The following EXOC6B variants were observed in gnomAD, a reference collection of about 807,000 sequenced individuals.
The protein encoded by EXOC6B is exocyst complex component 6B.
Under a neutral mutation model 113.5 loss-of-function variants are expected in EXOC6B, and 54 were observed. The observed-to-expected ratio is 0.48, with a 90% CI of 0.38 to 0.60. The LOEUF is 0.60. Among genes scored for constraint, EXOC6B ranks in the 20% least tolerant of loss-of-function variants. The pLI, the probability that EXOC6B is intolerant of heterozygous loss-of-function variation, is 0.00. For missense variants in EXOC6B, 797 were observed against 977.5 expected (o/e 0.82, Z 2.46); for synonymous variants, 357 against 339.0 (o/e 1.05, Z -0.58).
chr2:72,251,915 C>T (rs188941452), intron 20 of EXOC6B, among the ~76,000 whole-genome samples: 1 of 152,246 alleles, frequency 6.6e-6, no homozygotes, highest in Admixed American at 6.5e-5. Context: ...AATCTATCAG[C>T]ACTCTTGCAA....
At chr2:72,370,361 A>G (rs990861243) in intron 19 of EXOC6B, among the ~76,000 whole-genome samples, 1 of 152,134 alleles carries the variant, frequency 6.6e-6, no homozygotes, top group African/African-American at 2.4e-5. Context: ...GTCAGGAAAC[A>G]ACAGGTGCTG....
At chr2:72,370,753 A>T (rs1424282480) in intron 19 of EXOC6B, among the ~76,000 whole-genome samples, 2 of 152,108 alleles carry the variant, frequency 1.3e-5, no homozygotes, top group Non-Finnish European at 2.9e-5. Flanking sequence ...TCAGCAAATT[A>T]TCACAAGGAC....
intron 20 of EXOC6B, among the ~76,000 whole-genome samples, chr2:72,273,996 T>C (rs1261911128): frequency 6.6e-6 from 1 of 152,132 alleles, no homozygotes; most frequent in Non-Finnish European, 1.5e-5. Context: ...CCATTACACA[T>C]GCTATAGACA....
chr2:72,333,416 T>C (rs1688514571), intron 20 of EXOC6B, among the ~76,000 whole-genome samples: 1 of 152,164 alleles, frequency 6.6e-6, no homozygotes, highest in African/African-American at 2.4e-5. Context: ...TTTTCCTTGG[T>C]TGTGTTTCTC....
chr2:72,687,860 C>T (rs909147357), intron 6 of EXOC6B, among the ~76,000 whole-genome samples: 26 of 152,172 alleles, frequency 1.7e-4, no homozygotes, highest in African/African-American at 6.3e-4. Flanking sequence ...GGACACTATT[C>T]TGAAAACAGG....
At chr2:72,403,897 G>A (rs1033157195) in intron 18 of EXOC6B, among the ~76,000 whole-genome samples, 6 of 152,088 alleles carry the variant, frequency 3.9e-5, no homozygotes, top group Non-Finnish European at 5.9e-5. Flanking sequence ...AGCATGACCC[G>A]AAGCAGGGCA....
At position 72,759,432 on chromosome 2, in the gene EXOC6B, T is replaced by C. The variant is rs185294285; in HGVS notation, c.114-17963A>G. On this transcript the variant is annotated intron_variant, in intron 1 of 21. Coordinates refer to ENST00000272427, the MANE Select transcript of EXOC6B (RefSeq NM_015189.3). ...AACTCAGAGTCATAAAATTTTTCCA[T>C]GTGTTTTTCCATATTGCTATAGGCA... Among the ~76,000 whole-genome samples, 296 of 152,336 alleles carry C rather than the reference T, an allele frequency of 1.9e-3. 1 individual carries two copies. Among genetic ancestry groups the C allele is most frequent in the Middle Eastern group, 3.4e-3 (1 of 294 alleles).
chr2:72,527,291 GA>G (rs1701791867), intron 8 of EXOC6B, among the ~76,000 whole-genome samples: 1 of 151,884 alleles, frequency 6.6e-6, no homozygotes, highest in East Asian at 1.9e-4. Context: ...TAGGAGTACG[GA>G]AAGGAGTATG....
chr2:72,803,863 A>G (rs1228464748), intron 1 of EXOC6B, among the ~76,000 whole-genome samples: 1 of 152,242 alleles, frequency 6.6e-6, no homozygotes, highest in African/African-American at 2.4e-5. Flanking sequence ...GCACAACCTT[A>G]GATATGGTAC....
At chr2:72,796,717 ATC>A (rs1297532111) in intron 1 of EXOC6B, among the ~76,000 whole-genome samples, 1 of 152,126 alleles carries the variant, frequency 6.6e-6, no homozygotes, top group Non-Finnish European at 1.5e-5. Context: ...TATCCCATAA[ATC>A]TTGGCACACG....
intron 8 of EXOC6B, chr2:72,515,435 C>A (rs1004810582): frequency 8.7e-7 from 1 of 1,149,148 alleles, no homozygotes; most frequent in Non-Finnish European, 1.1e-6. Flanking sequence ...GGGAAACCAA[C>A]CTTTCCATAA....
chr2:72,401,614 T>C (rs1243235445), intron 18 of EXOC6B, among the ~76,000 whole-genome samples: 5 of 44,002 alleles, frequency 1.1e-4, no homozygotes, highest in African/African-American at 1.1e-3. Context: ...TGTATATATA[T>C]ATATATACAT....
chr2:72,597,629 A>G (rs1670156687), intron 6 of EXOC6B, among the ~76,000 whole-genome samples: 1 of 151,984 alleles, frequency 6.6e-6, no homozygotes, highest in South Asian at 2.1e-4. Context: ...GTCCAAATAT[A>G]GTAACTAAAA....
At chr2:72,537,047 G>A (rs1702330564) in intron 8 of EXOC6B, among the ~76,000 whole-genome samples, 1 of 152,066 alleles carries the variant, frequency 6.6e-6, no homozygotes, top group East Asian at 1.9e-4. Context: ...TTTCTTCATG[G>A]ATATAATTAA....
intron 18 of EXOC6B, among the ~76,000 whole-genome samples, chr2:72,413,614 C>G (rs1186939833): frequency 6.7e-6 from 1 of 150,080 alleles, no homozygotes; most frequent in Non-Finnish European, 1.5e-5. Context: ...ACCCAGAAGG[C>G]AGAGATTGCA....
At chr2:72,243,619 G>A (rs1486788204) in intron 20 of EXOC6B, among the ~76,000 whole-genome samples, 2 of 152,178 alleles carry the variant, frequency 1.3e-5, no homozygotes, top group African/African-American at 2.4e-5. Context: ...GGGAGGGATA[G>A]CATTAGGAAA....
At chr2:72,712,241 C>G (rs573967330) in intron 6 of EXOC6B, among the ~76,000 whole-genome samples, 135 of 152,192 alleles carry the variant, frequency 8.9e-4, no homozygotes, top group Admixed American at 5.2e-4. Context: ...CTATTTGAGG[C>G]CAAAATAATA....
At chr2:72,690,598 C>T (rs1677417464) in intron 6 of EXOC6B, among the ~76,000 whole-genome samples, 1 of 152,154 alleles carries the variant, frequency 6.6e-6, no homozygotes, top group African/African-American at 2.4e-5. Context: ...TCTTTCTAAG[C>T]AATTCTAAGC....
intron 20 of EXOC6B, among the ~76,000 whole-genome samples, chr2:72,264,130 C>T (rs531324362): frequency 1.3e-5 from 2 of 152,246 alleles, no homozygotes; most frequent in African/African-American, 2.4e-5. Context: ...TCAACTAAAC[C>T]ATGTTGATCT....
Sources: gnomAD v4.1 joint callset for allele counts (sites outside exome capture counted in the v4.1 genomes callset) on GRCh38, gnomAD v4.1.1 for gene constraint, MANE v1.5 for transcripts, NCBI Gene and HGNC (gene_info 2026-07-23, HGNC 2026-07-21) for gene names.